Variants in XPO7 observed in about 807,000 individuals in gnomAD.
XPO7 encodes the protein exportin-7.
XPO7 carries 21 observed loss-of-function variants against 144.3 expected under a neutral mutation model. That is an observed-to-expected ratio of 0.15 (90% CI 0.10 to 0.21). The LOEUF (loss-of-function observed/expected upper bound fraction) is 0.21, where lower values mean the gene tolerates loss of function less well. XPO7 is among the 10% of genes least tolerant of loss of function. The pLI is 1.00. For missense variants in XPO7, 808 were observed against 1,325.8 expected (o/e 0.61, Z 6.06); for synonymous variants, 580 against 499.6 (o/e 1.16, Z -2.15).
intron 1 of XPO7, among the ~76,000 whole-genome samples, chr8:21,953,620 A>T (rs939039307): frequency 6.6e-6 from 1 of 152,178 alleles, no homozygotes; most frequent in African/African-American, 2.4e-5. Context: ...TGGCTGTACC[A>T]TTTTGCATTC....
chr8:21,929,668 A>G (rs77066597), intron 1 of XPO7, among the ~76,000 whole-genome samples: 4,913 of 152,310 alleles, frequency 0.032, 265 homozygotes, highest in African/African-American at 0.11. Flanking sequence ...AGTATTATTT[A>G]CCATAAAGTT....
chr8:21,987,958 A>G, intron 15 of XPO7, 101 bp downstream of exon 15: 1 of 1,273,190 alleles, frequency 7.9e-7, no homozygotes. Flanking sequence ...GTATTCCAGC[A>G]TTGATCGTTT....
rs534742589 is a variant in XPO7, at chr8:21,948,671, G to A, written c.19-18186G>A. ...CTTTTCATGTGGTTCAACCTGATAT[G>A]AGGAATTGAGCTTTTCTAGTTTTGT... On this transcript the variant is annotated intron_variant, in intron 1 of 27. Transcript: ENST00000252512. 5.9e-5 allele frequency among the ~76,000 whole-genome samples: 9 copies of A among 152,230 alleles called. No individual in the cohort carries two copies. In the South Asian group the frequency reaches 1.9e-3, roughly 32 times the overall value.
chr8:21,991,773 C>T (rs2117383791), intron 18 of XPO7, 95 bp from the exon 19 acceptor site: 1 of 900,376 alleles, frequency 1.1e-6, no homozygotes, highest in Non-Finnish European at 1.6e-6. Context: ...CCTTGAGTTC[C>T]CCTGGGTTTG....
intron 1 of XPO7, among the ~76,000 whole-genome samples, chr8:21,920,461 G>A (rs1810240734): frequency 6.6e-6 from 1 of 151,976 alleles, no homozygotes; most frequent in South Asian, 2.1e-4. Flanking sequence ...GGAGTTGAGC[G>A]CCCACACCTC....
At chr8:22,004,220 G>A (rs983930173) in intron 27 of XPO7, among the ~76,000 whole-genome samples, 190 bp downstream of exon 27, 4 of 152,156 alleles carry the variant, frequency 2.6e-5, no homozygotes, top group Non-Finnish European at 5.9e-5. Flanking sequence ...TTAACCCATT[G>A]TATCTAAAAT....
At chr8:21,992,662 C>T (rs576085104) in intron 19 of XPO7, among the ~76,000 whole-genome samples, 2 of 152,282 alleles carry the variant, frequency 1.3e-5, no homozygotes, top group East Asian at 1.9e-4. Flanking sequence ...AGTCCTCCTG[C>T]CCCAGCTTCC....
rs77922585 is a variant in XPO7, at chr8:21,983,855, CCTGCTGCTGCTGCTG to C, written c.1278-786_1278-772del. The stretch of plus-strand genomic sequence containing the variant: ...CACAGCTAGTTTTAGTGCTGCTGCT[CCTGCTGCTGCTGCTG>C]CTGCCATTATCATATTGCAGTGTAA... On this transcript the variant is annotated intron_variant, in intron 11 of 27. Transcript: ENST00000252512. Among the ~76,000 whole-genome samples, 4 of 151,368 alleles carry C rather than the reference CCTGCTGCTGCTGCTG, an allele frequency of 2.6e-5. No individual in the cohort carries two copies. In the East Asian group the frequency reaches 7.7e-4, roughly 29 times the overall value.
In XPO7 at chr8:21,995,556, A is replaced by G; in HGVS notation, c.2302A>G (p.Thr768Ala). Reference sequence around the variant, plus strand: ...GCTCTGGTACCATGATCCAGCCTGTACTACACCTGTACTCAAGTTGATGGC... The same window carrying G: ...GCTCTGGTACCATGATCCAGCCTGTGCTACACCTGTACTCAAGTTGATGGC... ...IELWYHDPACTTPVLKLMAEL... is the reference protein window; with the variant it reads ...IELWYHDPACATPVLKLMAEL... Residue 768 changes from threonine to alanine, a missense_variant, in exon 21 of 28, where the codon ACT (threonine) becomes GCT (alanine). This residue lies in a region of XPO7 where 416 missense variants were observed against 612.5 expected (regional missense o/e 0.68). Transcript: ENST00000252512. The G allele has an allele frequency of 6.2e-7, 1 of 1,609,512 alleles. No homozygotes were observed. The highest frequency in any genetic ancestry group is 8.5e-7 in the Non-Finnish European group (1 of 1,177,764).
chr8:21,997,439 T>A (rs192100712), intron 21 of XPO7, among the ~76,000 whole-genome samples: 195 of 152,318 alleles, frequency 1.3e-3, no homozygotes, highest in Non-Finnish European at 2.1e-3. Context: ...TAATATTAAC[T>A]AGGATCTAAA....
chr8:21,980,343 G>A (rs1812363469), intron 9 of XPO7, 140 bp downstream of exon 9: 3 of 1,107,612 alleles, frequency 2.7e-6, no homozygotes, highest in African/African-American at 1.6e-5. Context: ...TCTATTTGTA[G>A]GCCAATTCTG....
chr8:22,005,188 T>C lies in XPO7; in HGVS notation c.*100T>C. The C allele has an allele frequency of 9.8e-7, 1 of 1,022,114 alleles. No homozygotes were observed. The highest frequency in any genetic ancestry group is 2.7e-5 in the East Asian group (1 of 37,618). The allele number at this position is 1,022,114 out of a possible 1,614,324, so 63.3% of individuals were successfully genotyped here. ...GAGGGCCTGGCTGATCCTGGCTCTT[T>C]TCTCCAGGGGTGTGGGGAAAATGGC... is the stretch of plus-strand genomic sequence containing the variant. On this transcript the variant is annotated 3_prime_UTR_variant, in exon 28 of 28. Transcript: ENST00000252512.
intron 1 of XPO7, among the ~76,000 whole-genome samples, chr8:21,962,776 C>G (rs921714769): frequency 6.6e-6 from 1 of 152,186 alleles, no homozygotes; most frequent in Non-Finnish European, 1.5e-5. Context: ...TTTTGCCATT[C>G]ACCTTCTAAC....
At chr8:21,984,090 A>G (rs1376220745) in intron 11 of XPO7, among the ~76,000 whole-genome samples, 2 of 152,220 alleles carry the variant, frequency 1.3e-5, no homozygotes, top group Non-Finnish European at 2.9e-5. Context: ...GACCATTTGT[A>G]GTTTTTTTAA....
chr8:21,940,992 A>G (rs996346896), intron 1 of XPO7, among the ~76,000 whole-genome samples: 2 of 152,206 alleles, frequency 1.3e-5, no homozygotes, highest in Non-Finnish European at 2.9e-5. Flanking sequence ...TGAGTTCTTC[A>G]GTAGGTAAAT....
intron 1 of XPO7, among the ~76,000 whole-genome samples, chr8:21,927,769 T>C (rs1215863492): frequency 5.9e-5 from 9 of 152,124 alleles, no homozygotes; most frequent in African/African-American, 1.4e-4. Flanking sequence ...GGTCTTGAGC[T>C]CCCGACCTCA....
chr8:21,946,411 C>T (rs1811188106), intron 1 of XPO7, among the ~76,000 whole-genome samples: 3 of 151,228 alleles, frequency 2.0e-5, no homozygotes, highest in African/African-American at 7.3e-5. Flanking sequence ...AATAGATTAG[C>T]ATATTAGATA....
chr8:21,930,543 T>G (rs1810610226), intron 1 of XPO7, among the ~76,000 whole-genome samples: 3 of 152,128 alleles, frequency 2.0e-5, no homozygotes, highest in Non-Finnish European at 1.5e-5. Flanking sequence ...TCCTCCAGAT[T>G]GATAAGAGCA....
rs1299057351 is a variant in XPO7, at chr8:22,003,249, T to A, written c.2974T>A (p.Phe992Ile). The A allele has an allele frequency of 1.2e-6, 2 of 1,613,144 alleles. No homozygotes were observed. The highest frequency in any genetic ancestry group is 1.7e-5 in the Admixed American group (1 of 59,908). Residue 992 changes from phenylalanine (F) to isoleucine (I), a missense_variant, in exon 26 of 28, where the codon TTT becomes ATT. By Grantham distance (21) the Phe-to-Ile change is conservative (BLOSUM62 0). Around this residue, in one of 5 missense-constraint regions of XPO7, gnomAD observed 140 missense variants for 237.9 expected, o/e 0.59. Coordinates refer to ENST00000252512, the MANE Select transcript of XPO7 (RefSeq NM_015024.5). ...GTCCACGGTGCTGAACATCATCATC[T>A]TTGAAGACTGTAGGAACCAGTGGTC... ...MLSTVLNIIIFEDCRNQWSMS... is the reference protein window; with the variant it reads ...MLSTVLNIIIIEDCRNQWSMS...
Sources: gnomAD v4.1 joint callset for allele counts (sites outside exome capture counted in the v4.1 genomes callset) on GRCh38, gnomAD v4.1.1 for gene constraint, gnomAD v4.1.1 regional missense constraint, MANE v1.5 for transcripts, NCBI Gene and HGNC (gene_info 2026-07-23, HGNC 2026-07-21) for gene names.